ZNF556: variants seen among roughly 807,000 people sequenced by gnomAD.
The protein encoded by ZNF556 is zinc finger protein 556.
In ZNF556, 11 loss-of-function variants were observed where a neutral mutation model predicts 13.6. The observed-to-expected ratio is 0.81, with a 90% CI of 0.51 to 1.33. The LOEUF is 1.33. ZNF556 is among the 40% of genes most tolerant of loss of function. The pLI is 0.00. For synonymous variants in ZNF556, 229 were observed against 207.8 expected (o/e 1.10, Z -0.88); for missense variants, 633 against 566.2 (o/e 1.12, Z -1.20).
intron 3 of ZNF556, among the ~76,000 whole-genome samples, chr19:2,876,647 G>A (rs1051038868): frequency 6.6e-6 from 1 of 151,834 alleles, no homozygotes; most frequent in African/African-American, 2.4e-5. Context: ...CCCAGGAGGC[G>A]GAGGTTGCAG....
rs2087887540 is a variant in ZNF556, at chr19:2,879,384, AT to A, written c.*1056del. 6.6e-6 allele frequency: 1 copy of A among 151,636 alleles called. No individual in the cohort carries two copies. Among genetic ancestry groups the A allele is most frequent in the African/African-American group, 2.4e-5 (1 of 41,264 alleles). 9.4% of individuals were successfully genotyped at this position (151,636 alleles called of 1,614,324 possible). ...TTCTTTTTTGAGACAGAGTCCTGTTATGTTGCCCAAGCTGGAGTGCAACGGC... is the reference window on the plus strand; with the variant it reads ...TTCTTTTTTGAGACAGAGTCCTGTTAGTTGCCCAAGCTGGAGTGCAACGGC... On this transcript the variant is annotated 3_prime_UTR_variant, in exon 4 of 4. Transcript: ENST00000307635.
rs1431212575 is a variant in ZNF556 at position 2,877,664 on chromosome 19, T to C, written c.706T>C (p.Cys236Arg). 6.2e-6 allele frequency: 10 copies of C among 1,614,080 alleles called. No individual in the cohort carries two copies. The African/African-American group carries it at 1.1e-4, about 17-fold the overall frequency. Residue 236 changes from cysteine (C) to arginine (R), a missense_variant, in exon 4 of 4, where the codon TGT becomes CGT. Transcript: ENST00000307635. ...AGAGAAACCCTACGAATGTGGGCAG[T>C]GTGGGAAAGGCTTCAGTTGTCCCAA... ...TGEKPYECGQ[C>R]GKGFSCPKSF...
At chr19:2,877,197 C>T in intron 3 of ZNF556, 76 bp from the exon 4 acceptor site, 1 of 1,276,166 alleles carries the variant, frequency 7.8e-7, no homozygotes, top group Non-Finnish European at 1.1e-6. Flanking sequence ...GGAACAAGAG[C>T]AAAACTCCAT....
Position 2,876,234 on chromosome 19 carries a change from A to G in ZNF556, c.272A>G (p.His91Arg), listed in dbSNP as rs759251658. 2.2e-5 allele frequency: 35 copies of G among 1,608,584 alleles called. No individual in the cohort carries two copies. The highest frequency in any genetic ancestry group is 2.6e-5 in the Non-Finnish European group (31 of 1,178,562). The stretch of plus-strand genomic sequence containing the variant: ...CTTTTAGGAAAAAATTGGGAAGAAC[A>G]TAGCGTTAAAGACAAGCACAACACC... ...ASLLGKNWEE[H>R]SVKDKHNTKE... Residue 91 changes from histidine to arginine, a missense_variant, in exon 3 of 4, where the codon CAT becomes CGT. Physicochemically the swap from His to Arg is conservative, Grantham distance 29. Coordinates refer to ENST00000307635, the MANE Select transcript of ZNF556 (RefSeq NM_024967.3).
Position 2,876,049 on chromosome 19 carries a change from T to A in ZNF556, c.131-44T>A, listed in dbSNP as rs561818694. 3 of 1,534,534 alleles carry A rather than the reference T, an allele frequency of 2.0e-6. No individual in the cohort carries two copies. The African/African-American group carries it at 4.2e-5, about 22-fold the overall frequency. ...TAAACACCTGAATTACTTCTTTCTT[T>A]GCAGATGCCTTCCTCATCATATTGG... On this transcript the variant is annotated intron_variant, in intron 2 of 3. Transcript: ENST00000307635.
chr19:2,877,984 T>C lies in ZNF556; in HGVS notation c.1026T>C (p.Pro342=), dbSNP rs532384803. ...KHARTHAKKK[P]VSGGSVGKSS... ...CGAGAACGCATGCTAAAAAGAAACC[T>C]GTGAGTGGGGGCAGCGTGGGAAAGT... The change falls in exon 4 of 4, where the codon CCT becomes CCC. Residue 342 remains proline, a synonymous_variant. Coordinates refer to ENST00000307635, the MANE Select transcript of ZNF556 (RefSeq NM_024967.3). 3 of 1,614,102 alleles carry C rather than the reference T, an allele frequency of 1.9e-6. No homozygotes were observed. Among genetic ancestry groups the C allele is most frequent in the South Asian group, 2.2e-5 (2 of 91,078 alleles).
chr19:2,874,259 A>AAAAT (rs1179360850), intron 2 of ZNF556, among the ~76,000 whole-genome samples: 36 of 151,788 alleles, frequency 2.4e-4, no homozygotes, highest in Admixed American at 4.6e-4. Flanking sequence ...TCCGTCTCAA[A>AAAAT]AAATAAATAA....
rs57053138 is a variant in ZNF556 at position 2,882,531 on chromosome 19, A to ATATAGTGTGCGT, written c.*4202_*4203insTATAGTGTGCGT. The stretch of plus-strand genomic sequence containing the variant: ...ATACATTTTATATATATATATATAT[A>ATATAGTGTGCGT]GTGTGTGTGTGTGTGTGTGTGTGTG... On this transcript the variant is annotated 3_prime_UTR_variant, in exon 4 of 4. Transcript: ENST00000307635. The ATATAGTGTGCGT allele has an allele frequency of 3.9e-5, 5 of 127,722 alleles. No homozygotes were observed. The highest frequency in any genetic ancestry group is 6.4e-5 in the Non-Finnish European group (4 of 62,732). 7.9% of individuals were successfully genotyped at this position (127,722 alleles called of 1,614,324 possible). A position where few individuals can be genotyped will look rare whatever the true frequency, so the allele number is the denominator to read the frequency against.
chr19:2,867,414 G>T lies in ZNF556; in HGVS notation c.-8G>T. On this transcript the variant is annotated 5_prime_UTR_variant, in exon 1 of 4. Coordinates refer to ENST00000307635, the MANE Select transcript of ZNF556 (RefSeq NM_024967.3). ...GAGCTCCTCAAAGAGCTCAGGAACG[G>T]ACAGGACATGGTGAGTGCAGGGCAG... The T allele has an allele frequency of 2.5e-6, 4 of 1,584,472 alleles. No individual in the cohort carries two copies. The highest frequency in any genetic ancestry group is 3.4e-6 in the Non-Finnish European group (4 of 1,166,798).
chr19:2,873,632 G>C lies in ZNF556; in HGVS notation c.130+10G>C, dbSNP rs764599519. 2 of 1,610,522 alleles carry C rather than the reference G, an allele frequency of 1.2e-6. No homozygotes were observed. Among genetic ancestry groups the C allele is most frequent in the Non-Finnish European group, 1.7e-6 (2 of 1,177,328 alleles). Reference sequence around the variant, plus strand: ...CACCTGGCCTCAGTAGGTGAGGATAGCATTATTTCTGCACTTAGTTATTAG... The same window carrying C: ...CACCTGGCCTCAGTAGGTGAGGATACCATTATTTCTGCACTTAGTTATTAG... On this transcript the variant is annotated intron_variant, in intron 2 of 3. Coordinates refer to ENST00000307635, the MANE Select transcript of ZNF556 (RefSeq NM_024967.3).
At position 2,873,557 on chromosome 19, in the gene ZNF556, A is replaced by G; in HGVS notation, c.65A>G (p.Asn22Ser). The G allele has an allele frequency of 6.2e-7, 1 of 1,614,152 alleles. No homozygotes were observed. The highest frequency in any genetic ancestry group is 2.2e-5 in the East Asian group (1 of 44,888). ...ACGCTGGAGGAGTGGGCCTTGCTGA[A>G]TCCTGCTCAGAGAAAACTCTACAGA... is the stretch of plus-strand genomic sequence containing the variant. ...DFTLEEWALLNPAQRKLYRDV... is the reference protein window; with the variant it reads ...DFTLEEWALLSPAQRKLYRDV... Residue 22 changes from asparagine (N) to serine (S), a missense_variant, in exon 2 of 4, where the codon AAT becomes AGT. Asn to Ser is a conservative substitution (Grantham distance 46, BLOSUM62 1). Coordinates refer to ENST00000307635, the MANE Select transcript of ZNF556 (RefSeq NM_024967.3).
In ZNF556 at chr19:2,878,665, G is replaced by A. The variant is rs1027792294; in HGVS notation, c.*336G>A. 3 of 179,904 alleles carry A rather than the reference G, an allele frequency of 1.7e-5. No individual in the cohort carries two copies. Among genetic ancestry groups the A allele is most frequent in the African/African-American group, 7.2e-5 (3 of 41,882 alleles). The allele number at this position is 179,904 out of a possible 1,614,324, so 11.1% of individuals were successfully genotyped here. A position where few individuals can be genotyped will look rare whatever the true frequency, so the allele number is the denominator to read the frequency against. ...CACTCCAGCCTGGGTGACAGAGCGAGACTCCATCTCCAAAAAAAGAAAATT... is the reference window on the plus strand; with the variant it reads ...CACTCCAGCCTGGGTGACAGAGCGAAACTCCATCTCCAAAAAAAGAAAATT... On this transcript the variant is annotated 3_prime_UTR_variant, in exon 4 of 4. Coordinates refer to ENST00000307635, the MANE Select transcript of ZNF556 (RefSeq NM_024967.3).
At position 2,877,943 on chromosome 19, in the gene ZNF556, T is replaced by A. The variant is rs567577668; in HGVS notation, c.985T>A (p.Ser329Thr). 52 of 1,614,128 alleles carry A rather than the reference T, an allele frequency of 3.2e-5. No individual in the cohort carries two copies. The East Asian group carries it at 6.9e-4, about 21-fold the overall frequency. ...CGGGAAAGCATTCGGTTGGCCCTCATCCTTACACAAACACGCGAGAACGCA... is the reference window on the plus strand; with the variant it reads ...CGGGAAAGCATTCGGTTGGCCCTCAACCTTACACAAACACGCGAGAACGCA... The part of the protein sequence containing the change: ...KCGKAFGWPS[S>T]LHKHARTHAK... The change falls in exon 4 of 4, where the codon TCC becomes ACC. Residue 329 changes from serine (S) to threonine (T), a missense_variant. Physicochemically the swap from Ser to Thr is moderately conservative, Grantham distance 58. Transcript: ENST00000307635.
chr19:2,868,364 CT>C (rs1315904350), intron 1 of ZNF556, among the ~76,000 whole-genome samples: 1 of 152,170 alleles, frequency 6.6e-6, no homozygotes, highest in Non-Finnish European at 1.5e-5. Context: ...AGTTATTCTC[CT>C]TTTCCAGGAT....
chr19:2,874,688 G>C (rs920983355), intron 2 of ZNF556, among the ~76,000 whole-genome samples: 2 of 145,350 alleles, frequency 1.4e-5, no homozygotes, highest in Non-Finnish European at 3.0e-5. Flanking sequence ...TGGCTGCAGT[G>C]AGTCGAGATT....
In ZNF556 at chr19:2,877,897, A is replaced by G. The variant is rs2087871480; in HGVS notation, c.939A>G (p.Lys313=). The change falls in exon 4 of 4, where the codon AAA becomes AAG. Residue 313 remains lysine, a synonymous_variant. Coordinates refer to ENST00000307635, the MANE Select transcript of ZNF556 (RefSeq NM_024967.3). The part of the protein sequence containing the change: ...QRHVRIHNGE[K]PYKCGKCGKA... The stretch of plus-strand genomic sequence containing the variant: ...ACGTGAGAATTCACAACGGGGAGAA[A>G]CCCTATAAGTGTGGAAAATGCGGGA... 1 of 1,614,082 alleles carries G rather than the reference A, an allele frequency of 6.2e-7. No homozygotes were observed. Among genetic ancestry groups the G allele is most frequent in the African/African-American group, 1.3e-5 (1 of 74,936 alleles).
Position 2,878,284 on chromosome 19 carries a change from T to C in ZNF556, c.1326T>C (p.Gly442=), listed in dbSNP as rs1367454877. 4 of 1,614,002 alleles carry C rather than the reference T, an allele frequency of 2.5e-6. No individual in the cohort carries two copies. Among genetic ancestry groups the C allele is most frequent in the Non-Finnish European group, 3.4e-6 (4 of 1,179,998 alleles). Residue 442 remains glycine, a synonymous_variant, in exon 4 of 4, where the codon GGT becomes GGC. Transcript: ENST00000307635. The stretch of plus-strand genomic sequence containing the variant: ...TCAGTTGTCCCAAAGCCTTTCAAGG[T>C]CATGTGAGAAGTCACACAGGAAAGA... ...KAFSCPKAFQ[G]HVRSHTGKKS...
rs942764696 is a variant in ZNF556 at position 2,880,871 on chromosome 19, T to TC, written c.*2543dup. 1 of 113,474 alleles carries TC rather than the reference T, an allele frequency of 8.8e-6. No individual in the cohort carries two copies. Among genetic ancestry groups the TC allele is most frequent in the Non-Finnish European group, 1.8e-5 (1 of 55,466 alleles). The allele number at this position is 113,474 out of a possible 1,614,324, so 7.0% of individuals were successfully genotyped here. A position where few individuals can be genotyped will look rare whatever the true frequency, so the allele number is the denominator to read the frequency against. ...ACTGTTATAATTTTGTCTAAGAAAT[T>TC]CTTTTTTTTTTTTTTGAGACAGATT... On this transcript the variant is annotated 3_prime_UTR_variant, in exon 4 of 4. Coordinates refer to ENST00000307635, the MANE Select transcript of ZNF556 (RefSeq NM_024967.3).
At chr19:2,868,139 G>C (rs535392019) in intron 1 of ZNF556, among the ~76,000 whole-genome samples, 14 of 149,612 alleles carry the variant, frequency 9.4e-5, no homozygotes, top group Non-Finnish European at 1.6e-4. Flanking sequence ...TTTTTTGCCC[G>C]TGTGGTTAAG....
Sources: gnomAD v4.1 joint callset for allele counts (sites outside exome capture counted in the v4.1 genomes callset) on GRCh38, gnomAD v4.1.1 for gene constraint, MANE v1.5 for transcripts, NCBI Gene and HGNC (gene_info 2026-07-23, HGNC 2026-07-21) for gene names.